The following HDAC4 variants were observed in gnomAD, a reference collection of about 807,000 sequenced individuals.
HDAC4 encodes the protein histone deacetylase A.
HDAC4 carries 16 observed loss-of-function variants against 135.1 expected under a neutral mutation model. The ratio of observed to expected loss-of-function variants is 0.12; its 90% CI spans 0.08 to 0.18. The LOEUF is 0.18. Ranked by LOEUF, HDAC4 falls within the 10% of genes least tolerant of loss-of-function variation. The pLI is 1.00. For missense variants in HDAC4, 1,143 were observed against 1,511.8 expected (o/e 0.76, Z 4.05); for synonymous variants, 685 against 653.4 (o/e 1.05, Z -0.74).
intron 12 of HDAC4, among the ~76,000 whole-genome samples, chr2:239,126,220 C>T (rs971782091): frequency 1.2e-4 from 18 of 152,230 alleles, no homozygotes; most frequent in African/African-American, 3.4e-4. Context: ...ACTGGCCCTG[C>T]GCGTCCCACT....
At chr2:239,071,556 T>C (rs770313719) in intron 22 of HDAC4, among the ~76,000 whole-genome samples, 3 of 152,178 alleles carry the variant, frequency 2.0e-5, no homozygotes, top group Non-Finnish European at 4.4e-5. Context: ...GCCTTGGGCA[T>C]TCCCCAAACC....
intron 5 of HDAC4, among the ~76,000 whole-genome samples, chr2:239,168,065 G>C (rs906015603): frequency 1.3e-5 from 2 of 152,232 alleles, no homozygotes; most frequent in Admixed American, 1.3e-4. Flanking sequence ...AGCTGTGGCA[G>C]GTTCTGCTTG....
At chr2:239,131,337 A>G (rs907317022) in intron 11 of HDAC4, among the ~76,000 whole-genome samples, 8 of 150,714 alleles carry the variant, frequency 5.3e-5, no homozygotes, top group African/African-American at 1.9e-4. Context: ...CTATACACCT[A>G]TGCACCACGA....
chr2:239,199,506 T>C (rs893754434), intron 3 of HDAC4, among the ~76,000 whole-genome samples: 4 of 151,612 alleles, frequency 2.6e-5, no homozygotes, highest in Non-Finnish European at 5.9e-5. Flanking sequence ...TTGATTCTCT[T>C]CCTCGGTTTG....
chr2:239,393,274 T>C (rs1245227664), intron 1 of HDAC4, among the ~76,000 whole-genome samples: 6 of 152,254 alleles, frequency 3.9e-5, no homozygotes, highest in Admixed American at 6.5e-5. Context: ...TGCATCTGAA[T>C]GGGCCTGCCT....
chr2:239,059,747 A>C (rs1437488636), intron 24 of HDAC4, among the ~76,000 whole-genome samples: 1 of 152,180 alleles, frequency 6.6e-6, no homozygotes, highest in African/African-American at 2.4e-5. Flanking sequence ...ACTCCTCCAG[A>C]GGACAGGGAG....
intron 2 of HDAC4, among the ~76,000 whole-genome samples, chr2:239,284,493 A>G (rs1243131685): frequency 6.6e-6 from 1 of 152,204 alleles, no homozygotes; most frequent in Non-Finnish European, 1.5e-5. Context: ...TGGCCCTCGT[A>G]GTCAGGGGTG....
intron 19 of HDAC4, among the ~76,000 whole-genome samples, chr2:239,086,300 G>C (rs1329399538): frequency 8.0e-6 from 1 of 124,600 alleles, no homozygotes; most frequent in Non-Finnish European, 1.7e-5. Context: ...CCCTGTACAC[G>C]AAGGAGACTC....
At chr2:239,302,362 C>T (rs2052316040) in intron 2 of HDAC4, among the ~76,000 whole-genome samples, 1 of 152,186 alleles carries the variant, frequency 6.6e-6, no homozygotes, top group Non-Finnish European at 1.5e-5. Flanking sequence ...TACTCAAATT[C>T]GAATATTGCA....
At chr2:239,198,073 T>C (rs1242578498) in intron 3 of HDAC4, among the ~76,000 whole-genome samples, 1 of 152,116 alleles carries the variant, frequency 6.6e-6, no homozygotes, top group Non-Finnish European at 1.5e-5. Context: ...CTCAAACTCC[T>C]GACCTCAGGT....
chr2:239,239,419 G>A (rs1340050494), intron 2 of HDAC4, among the ~76,000 whole-genome samples: 1 of 152,208 alleles, frequency 6.6e-6, no homozygotes, highest in Non-Finnish European at 1.5e-5. Flanking sequence ...CAGCAGGTGC[G>A]GCTGAACATG....
At chr2:239,286,579 T>C (rs2051148368) in intron 2 of HDAC4, among the ~76,000 whole-genome samples, 1 of 152,178 alleles carries the variant, frequency 6.6e-6, no homozygotes, top group Non-Finnish European at 1.5e-5. Flanking sequence ...AAAGGGGCAC[T>C]AGCTGCGGAT....
At chr2:239,312,673 G>C (rs151206828) in intron 2 of HDAC4, among the ~76,000 whole-genome samples, 7 of 152,320 alleles carry the variant, frequency 4.6e-5, no homozygotes, top group Non-Finnish European at 4.4e-5. Flanking sequence ...CTGGAACAAG[G>C]TCTGTGGCGT....
At chr2:239,238,249 A>G (rs1001493996) in intron 2 of HDAC4, among the ~76,000 whole-genome samples, 2 of 152,202 alleles carry the variant, frequency 1.3e-5, no homozygotes, top group Admixed American at 1.3e-4. Flanking sequence ...AAATAAAAAT[A>G]AATAAATGCT....
In HDAC4 at chr2:239,108,033, G is replaced by T; in HGVS notation, c.2112+17C>A. 6.2e-7 allele frequency: 1 copy of T among 1,610,500 alleles called. No individual in the cohort carries two copies. The highest frequency in any genetic ancestry group is 1.1e-5 in the South Asian group (1 of 90,974). ...TGCCCAAAGCCGCAGCTGCCCACCT[G>T]CCCCGGTCGGCGTTACCTCGCATTT... On this transcript the variant is annotated intron_variant, in intron 15 of 26. Transcript: ENST00000543185.
At chr2:239,248,184 C>CTT (rs1252789584) in intron 2 of HDAC4, among the ~76,000 whole-genome samples, 4 of 145,156 alleles carry the variant, frequency 2.8e-5, no homozygotes, top group Non-Finnish European at 3.0e-5. Flanking sequence ...TCCTCTTGCA[C>CTT]TTTTTTTTTT....
intron 3 of HDAC4, among the ~76,000 whole-genome samples, chr2:239,216,041 C>T (rs889954265): frequency 3.3e-5 from 5 of 152,068 alleles, no homozygotes; most frequent in African/African-American, 1.2e-4. Context: ...TTTAAAAAAT[C>T]AAACATATAT....
rs1204896073 is a variant in HDAC4 at position 239,315,543 on chromosome 2, C to T, written c.22+37135G>A. On this transcript the variant is annotated intron_variant, in intron 2 of 26. Coordinates refer to ENST00000543185, the MANE Select transcript of HDAC4 (RefSeq NM_001378414.1). ...CTCAAAGCCCCTACGCTTCAGAGAG[C>T]ACGACAGACACCATCAACCCGGCAG... Among the ~76,000 whole-genome samples the T allele has an allele frequency of 2.6e-5, 4 of 152,176 alleles. 1 individual carries two copies. The highest frequency in any genetic ancestry group is 9.7e-5 in the African/African-American group (4 of 41,438).
chr2:239,246,997 A>T (rs1364795639), intron 2 of HDAC4, among the ~76,000 whole-genome samples: 1 of 152,238 alleles, frequency 6.6e-6, no homozygotes, highest in Non-Finnish European at 1.5e-5. Flanking sequence ...CACACAACAG[A>T]CGTCAAATAG....
Sources: allele counts gnomAD v4.1 joint callset (sites outside exome capture counted in the v4.1 genomes callset), GRCh38; gene constraint gnomAD v4.1.1; transcripts MANE v1.5; gene names NCBI Gene and HGNC (gene_info 2026-07-23, HGNC 2026-07-21).